RSF1: variants seen among roughly 807,000 people sequenced by gnomAD.
RSF1 encodes HBV pX-associated protein 8.
Under a neutral mutation model 145.2 loss-of-function variants are expected in RSF1, and 13 were observed. The ratio of observed to expected loss-of-function variants is 0.09; its 90% CI spans 0.06 to 0.14. The LOEUF is 0.14. Among genes scored for constraint, RSF1 ranks in the 10% least tolerant of loss-of-function variants. The probability of loss-of-function intolerance (pLI) is 1.00; values close to 1 mark genes in which losing one functional copy is unlikely to be tolerated. For synonymous variants in RSF1, 577 were observed against 592.6 expected, an observed-to-expected ratio of 0.97 and a Z score of 0.38; for missense variants, 1,517 against 1,718.2, an observed-to-expected ratio of 0.88 and a Z score of 2.07.
At chr11:77,847,480 G>A in the RSF1 span, among the ~76,000 whole-genome samples, 1 of 152,124 alleles carries the variant, frequency 6.6e-6, no homozygotes, top group Non-Finnish European at 1.5e-5. Flanking sequence ...ATTGATGATT[G>A]TGACACCCAG....
the RSF1 span, among the ~76,000 whole-genome samples, chr11:77,827,043 T>G: frequency 1.3e-5 from 2 of 151,914 alleles, no homozygotes; most frequent in Admixed American, 6.6e-5. Flanking sequence ...AGGCAGAGGT[T>G]GCAGTGAGCT....
chr11:77,842,890 C>T, the RSF1 span, among the ~76,000 whole-genome samples: 3 of 152,180 alleles, frequency 2.0e-5, no homozygotes, highest in Non-Finnish European at 2.9e-5. Context: ...TTTATCACCT[C>T]AGAAAGGAAC....
the RSF1 span, among the ~76,000 whole-genome samples, chr11:77,832,983 GTGTGTGTGTGTGTGTA>G: frequency 1.6e-4 from 6 of 38,596 alleles, 1 homozygote; most frequent in African/African-American, 7.2e-4. Flanking sequence ...GTGTGTGTGT[GTGTGTGTGTGTGTGTA>G]TATATATATA....
At chr11:77,690,768 G>C (rs1960132530) in intron 9 of RSF1, among the ~76,000 whole-genome samples, 2 of 152,200 alleles carry the variant, frequency 1.3e-5, no homozygotes, top group African/African-American at 4.8e-5. Context: ...TCCTATAAAA[G>C]GAAAGATAAT....
intron 4 of RSF1, among the ~76,000 whole-genome samples, chr11:77,733,189 G>C (rs1047622246): frequency 1.3e-5 from 2 of 152,098 alleles, no homozygotes; most frequent in Non-Finnish European, 2.9e-5. Flanking sequence ...TATACAAGAA[G>C]GTGTTTCAGT....
At chr11:77,828,464 G>A in the RSF1 span, among the ~76,000 whole-genome samples, 2 of 151,826 alleles carry the variant, frequency 1.3e-5, no homozygotes, top group African/African-American at 2.4e-5. Flanking sequence ...TCAGGAGATC[G>A]AGACCATCCT....
intron 1 of RSF1, among the ~76,000 whole-genome samples, chr11:77,774,181 G>A (rs1004827462): frequency 1.4e-4 from 22 of 152,136 alleles, no homozygotes; most frequent in Non-Finnish European, 3.2e-4. Context: ...ACCAAGCACA[G>A]TTCCTACTTA....
At chr11:77,839,393 T>C in the RSF1 span, among the ~76,000 whole-genome samples, 1 of 152,206 alleles carries the variant, frequency 6.6e-6, no homozygotes, top group Non-Finnish European at 1.5e-5. Flanking sequence ...AGTTCAACCT[T>C]TGTGGAAGAC....
At chr11:77,791,657 T>C (rs988971863) in intron 1 of RSF1, among the ~76,000 whole-genome samples, 17 of 152,212 alleles carry the variant, frequency 1.1e-4, no homozygotes, top group Non-Finnish European at 5.9e-5. Flanking sequence ...AAATCATTTC[T>C]CTAAAGTTCA....
chr11:77,775,515 A>G (rs980575399), intron 1 of RSF1, among the ~76,000 whole-genome samples: 3 of 152,242 alleles, frequency 2.0e-5, no homozygotes, highest in Non-Finnish European at 4.4e-5. Flanking sequence ...GGACATCTGT[A>G]TATAGGAGTA....
At chr11:77,745,404 T>A (rs1271717493) in intron 3 of RSF1, among the ~76,000 whole-genome samples, 1 of 152,160 alleles carries the variant, frequency 6.6e-6, no homozygotes, top group East Asian at 1.9e-4. Context: ...GGCCATCGAT[T>A]GCTATGAACT....
At chr11:77,785,590 C>CA (rs202199590) in intron 1 of RSF1, among the ~76,000 whole-genome samples, 368 of 137,562 alleles carry the variant, frequency 2.7e-3, no homozygotes, top group African/African-American at 8.0e-3. Context: ...AACTCCATCT[C>CA]AAAAAAAAAA....
In RSF1 at chr11:77,660,981, TAA is replaced by T. The variant is rs745931769; in HGVS notation, c.*5934_*5935del. The T allele has an allele frequency of 6.6e-6, 1 of 152,176 alleles. No individual in the cohort carries two copies. The highest frequency in any genetic ancestry group is 1.5e-5 in the Non-Finnish European group (1 of 68,010). 9.4% of individuals were successfully genotyped at this position (152,176 alleles called of 1,614,324 possible). A position where few individuals can be genotyped will look rare whatever the true frequency, so the allele number is the denominator to read the frequency against. The stretch of plus-strand genomic sequence containing the variant: ...ATATACCATGGTAAAATGTGCCATG[TAA>T]AAGACTGTGCTAGAATCAGAAGTTC... On this transcript the variant is annotated 3_prime_UTR_variant, in exon 16 of 16. Coordinates refer to ENST00000308488, the MANE Select transcript of RSF1 (RefSeq NM_016578.4).
In RSF1 at chr11:77,677,008, G is replaced by C. The variant is rs200702322; in HGVS notation, c.3134-9C>G. On this transcript the variant is annotated splice_polypyrimidine_tract_variant and intron_variant, in intron 12 of 15. Coordinates refer to ENST00000308488, the MANE Select transcript of RSF1 (RefSeq NM_016578.4). Reference sequence around the variant, plus strand: ...TTTTCCTCGGCCAACTCCTGAATTTGGGGGAGGGAAGTTCGGGGAGAGAAA... The same window carrying C: ...TTTTCCTCGGCCAACTCCTGAATTTCGGGGAGGGAAGTTCGGGGAGAGAAA... 1 of 1,596,368 alleles carries C rather than the reference G, an allele frequency of 6.3e-7. No homozygotes were observed.
chr11:77,790,872 A>G (rs1264903564), intron 1 of RSF1, among the ~76,000 whole-genome samples: 1 of 152,136 alleles, frequency 6.6e-6, no homozygotes, highest in African/African-American at 2.4e-5. Context: ...TTTGGAGGGT[A>G]TAGCCTCCTC....
chr11:77,667,412 G>A lies in RSF1; in HGVS notation c.3831C>T (p.Ser1277=). ...CATCTGCTTCTGAATACTCGTCTGT[G>A]CTTCGGCCCCGCTTTCGAACTGACC... ...SKRSVRKRGR[S]TDEYSEADEE... Residue 1277 remains serine (S), a synonymous_variant, in exon 16 of 16, where the codon AGC becomes AGT. Coordinates refer to ENST00000308488, the MANE Select transcript of RSF1 (RefSeq NM_016578.4). 6.2e-7 allele frequency: 1 copy of A among 1,613,860 alleles called. No individual in the cohort carries two copies.
At chr11:77,735,216 C>T (rs1200481281) in intron 4 of RSF1, among the ~76,000 whole-genome samples, 1 of 152,136 alleles carries the variant, frequency 6.6e-6, no homozygotes, top group East Asian at 1.9e-4. Flanking sequence ...CCCGACGACT[C>T]TCGGCAAAGA....
chr11:77,858,657 T>C, the RSF1 span, among the ~76,000 whole-genome samples: 2 of 152,142 alleles, frequency 1.3e-5, no homozygotes, highest in East Asian at 1.9e-4. Context: ...CCAAGTGCTG[T>C]TGGGGAGGTT....
chr11:77,762,022 CTTTTCT>C (rs1189311291), intron 2 of RSF1: 1 of 80,256 alleles, frequency 1.2e-5, no homozygotes, highest in African/African-American at 5.1e-5. Flanking sequence ...ATTTTCTTTT[CTTTTCT>C]TTTTTTTTTT....
Sources: allele counts gnomAD v4.1 joint callset (sites outside exome capture counted in the v4.1 genomes callset), GRCh38; gene constraint gnomAD v4.1.1; transcripts MANE v1.5; gene names NCBI Gene and HGNC (gene_info 2026-07-23, HGNC 2026-07-21).